NAV3: variants seen among roughly 807,000 people sequenced by gnomAD.
NAV3 encodes neuron navigator 3, also known as pore membrane and/or filament interacting like protein 1.
A neutral mutation model predicts 244.7 loss-of-function variants in NAV3; 87 were observed. The observed-to-expected ratio is 0.36, with a 90% CI of 0.30 to 0.42. NAV3 has a LOEUF of 0.42. NAV3 is among the 20% of genes least tolerant of loss of function. NAV3 has a pLI of 1.00. For synonymous variants in NAV3, 1,126 were observed against 1,042.2 expected (o/e 1.08, Z -1.55); for missense variants, 2,663 against 2,893.3 (o/e 0.92, Z 1.83).
At chr12:77,589,713 G>A (rs1869817582) in intron 2 of NAV3, among the ~76,000 whole-genome samples, 1 of 152,224 alleles carries the variant, frequency 6.6e-6, no homozygotes, top group South Asian at 2.1e-4. Context: ...CACATGTGGG[G>A]ATTATGGGAG....
intron 1 of NAV3, among the ~76,000 whole-genome samples, chr12:77,887,716 T>C (rs1592901815): frequency 6.6e-6 from 1 of 152,168 alleles, no homozygotes; most frequent in South Asian, 2.1e-4. Flanking sequence ...GAAATATTTT[T>C]AGAGTTTTAA....
At chr12:77,609,561 A>G (rs886460652) in intron 2 of NAV3, among the ~76,000 whole-genome samples, 5 of 152,050 alleles carry the variant, frequency 3.3e-5, no homozygotes, top group African/African-American at 1.2e-4. Flanking sequence ...AGGATTATTA[A>G]AAGTTAGCTT....
chr12:78,091,467 T>C (rs928200802), intron 12 of NAV3: 1 of 152,170 alleles, frequency 6.6e-6, no homozygotes, highest in Non-Finnish European at 1.5e-5. Flanking sequence ...TCAAAACAAA[T>C]GTTAACTGAA....
chr12:77,624,071 CAGAT>C (rs1370773802), intron 2 of NAV3, among the ~76,000 whole-genome samples: 2 of 152,224 alleles, frequency 1.3e-5, no homozygotes, highest in East Asian at 1.9e-4. Flanking sequence ...AAAAAAGTGT[CAGAT>C]AGCTCAGTAA....
chr12:77,873,420 G>C (rs147661495), intron 1 of NAV3, among the ~76,000 whole-genome samples: 1 of 151,594 alleles, frequency 6.6e-6, no homozygotes, highest in African/African-American at 2.4e-5. Flanking sequence ...ATAATGAAAT[G>C]ATATTTCTTA....
In NAV3 at chr12:78,021,849, G is replaced by A; in HGVS notation, c.2010G>A (p.Leu670=). 6.2e-7 allele frequency: 1 copy of A among 1,605,062 alleles called. No individual in the cohort carries two copies. The highest frequency in any genetic ancestry group is 8.5e-7 in the Non-Finnish European group (1 of 1,174,532). Residue 670 remains leucine, a synonymous_variant, in exon 9 of 40, where the codon CTG becomes CTA. Coordinates refer to ENST00000397909, the MANE Select transcript of NAV3 (RefSeq NM_001024383.2). The part of the protein sequence containing the change: ...LSYSKTAKQC[L]EEISGEDPET... ...ATAGTAAGACTGCTAAGCAGTGCCT[G>A]GAGGAGATATCTGGTAAGTGACCTC...
intron 2 of NAV3, among the ~76,000 whole-genome samples, chr12:77,814,093 C>T (rs759206681): frequency 6.6e-6 from 1 of 152,064 alleles, no homozygotes; most frequent in African/African-American, 2.4e-5. Context: ...ATCTGTGTTT[C>T]GGCAAGCCCT....
intron 20 of NAV3, among the ~76,000 whole-genome samples, chr12:78,142,713 ATACATATATATGTGTGTGTGTGTG>A (rs1187973194): frequency 0.056 from 4,079 of 72,550 alleles, 196 homozygotes; most frequent in Non-Finnish European, 0.071. Flanking sequence ...GTGTATATAT[ATACATATATATGTGTGTGTGTGTG>A]TATATATATA....
intron 8 of NAV3, among the ~76,000 whole-genome samples, chr12:78,019,507 G>C (rs1876793502): frequency 6.6e-6 from 1 of 152,112 alleles, no homozygotes; most frequent in Non-Finnish European, 1.5e-5. Context: ...GAAAACATAG[G>C]TCCAGGGAAT....
At chr12:77,741,146 G>GCCAAAAAAAAAAAAAAA (rs1868321359) in intron 2 of NAV3, among the ~76,000 whole-genome samples, 5 of 7,372 alleles carry the variant, frequency 6.8e-4, no homozygotes, top group African/African-American at 2.2e-3. Flanking sequence ...AAAAAAAAAA[G>GCCAAAAAAAAAAAAAAA]ACAAAAAAAA....
intron 2 of NAV3, among the ~76,000 whole-genome samples, chr12:77,628,902 C>CAAAAAAA (rs200250331): frequency 9.2e-5 from 8 of 86,656 alleles, no homozygotes; most frequent in Non-Finnish European, 1.7e-4. Context: ...ACCCTGTCTC[C>CAAAAAAA]AAAAAAAAAA....
intron 2 of NAV3, among the ~76,000 whole-genome samples, chr12:77,625,477 T>A (rs963104847): frequency 6.6e-6 from 1 of 152,026 alleles, no homozygotes; most frequent in Non-Finnish European, 1.5e-5. Context: ...AATAAGACTA[T>A]AAAAAAACTA....
intron 20 of NAV3, chr12:78,144,912 C>CAAAAAAAAAAAAAAAAAAATAAAAAAAA (rs1956791616): frequency 1.5e-5 from 1 of 66,038 alleles, no homozygotes; most frequent in Non-Finnish European, 2.5e-5. Context: ...GATCCTGTCT[C>CAAAAAAAAAAAAAAAAAAATAAAAAAAA]AAAAAAAAAA....
At chr12:77,635,311 C>T (rs1388101711) in intron 2 of NAV3, among the ~76,000 whole-genome samples, 1 of 152,126 alleles carries the variant, frequency 6.6e-6, no homozygotes, top group African/African-American at 2.4e-5. Context: ...CTCCCTATCT[C>T]AGTCTCTTGA....
At chr12:78,178,009 T>G (rs942280051) in intron 28 of NAV3, among the ~76,000 whole-genome samples, 1 of 31,950 alleles carries the variant, frequency 3.1e-5, no homozygotes, top group Admixed American at 2.7e-4. Flanking sequence ...GTATATTATG[T>G]TTTTTTTTTC....
intron 12 of NAV3, among the ~76,000 whole-genome samples, chr12:78,062,572 T>A (rs530048164): frequency 6.6e-6 from 1 of 152,152 alleles, no homozygotes; most frequent in Non-Finnish European, 1.5e-5. Context: ...ATGAGCTTTT[T>A]TATCACTGAT....
Position 77,831,419 on chromosome 12 carries a change from G to T in NAV3, c.-43G>T. The T allele has an allele frequency of 6.5e-7, 1 of 1,548,382 alleles. No homozygotes were observed. The highest frequency in any genetic ancestry group is 8.7e-7 in the Non-Finnish European group (1 of 1,151,330). ...GTTGGAGTCTACCAGACTGAGGTTAGAAGCATTTTCTTTGGCAGCAAGAAG... is the reference window on the plus strand; with the variant it reads ...GTTGGAGTCTACCAGACTGAGGTTATAAGCATTTTCTTTGGCAGCAAGAAG... On this transcript the variant is annotated 5_prime_UTR_variant, in exon 1 of 40. Coordinates refer to ENST00000397909, the MANE Select transcript of NAV3 (RefSeq NM_001024383.2).
At chr12:77,934,889 A>G (rs1320709364) in intron 1 of NAV3, among the ~76,000 whole-genome samples, 1 of 152,190 alleles carries the variant, frequency 6.6e-6, no homozygotes. Context: ...AAATCCTCTG[A>G]TTATATTCAT....
At chr12:77,973,982 A>G (rs1893235276) in intron 5 of NAV3, among the ~76,000 whole-genome samples, 1 of 152,046 alleles carries the variant, frequency 6.6e-6, no homozygotes, top group South Asian at 2.1e-4. Context: ...TTGAAGAGAA[A>G]GAAGTTATTC....
Sources: gnomAD v4.1 joint callset for allele counts (sites outside exome capture counted in the v4.1 genomes callset) on GRCh38, gnomAD v4.1.1 for gene constraint, MANE v1.5 for transcripts, NCBI Gene and HGNC (gene_info 2026-07-23, HGNC 2026-07-21) for gene names.